CLEC12A: variants seen among roughly 807,000 people sequenced by gnomAD.
CLEC12A encodes C-type lectin protein CLL-1.
Under a neutral mutation model 26.5 loss-of-function variants are expected in CLEC12A, and 22 were observed. That is an observed-to-expected ratio of 0.83 (90% CI 0.59 to 1.19). The LOEUF (loss-of-function observed/expected upper bound fraction) is 1.19. CLEC12A is among the 50% of genes most tolerant of loss of function. The pLI is 0.00. For synonymous variants in CLEC12A, 119 were observed against 101.9 expected (o/e 1.17, Z -1.01); for missense variants, 353 against 315.6 (o/e 1.12, Z -0.90).
downstream of CLEC12A, among the ~76,000 whole-genome samples, chr12:9,986,423 C>CCG (rs1565565714): frequency 7.3e-6 from 1 of 137,268 alleles, no homozygotes; most frequent in Non-Finnish European, 1.6e-5. Context: ...ATCCCCCCCC[C>CCG]CCTTTTTTTC....
upstream of CLEC12A, among the ~76,000 whole-genome samples, chr12:9,967,871 C>T (rs2137124515): frequency 6.6e-6 from 1 of 152,280 alleles, no homozygotes; most frequent in East Asian, 1.9e-4. Flanking sequence ...TGGTCAGACA[C>T]CTCTGAAACA....
At chr12:9,988,110 A>G (rs1473097989), downstream of CLEC12A, among the ~76,000 whole-genome samples, 3 of 152,154 alleles carry the variant, frequency 2.0e-5, no homozygotes, top group East Asian at 5.8e-4. Flanking sequence ...ATGGAGTGAT[A>G]TGGTTTGGCT....
exon 5 of CLEC12A, chr12:9,995,197 C>G: frequency 6.2e-7 from 1 of 1,613,008 alleles, no homozygotes; most frequent in Non-Finnish European, 8.5e-7. Context: ...CGACTTCTGG[C>G]GAGATAATCC....
intron 3 of CLEC12A, 141 bp downstream of exon 3, chr12:9,979,665 G>A: frequency 1.6e-6 from 1 of 632,916 alleles, no homozygotes. Flanking sequence ...GGTTGATGGA[G>A]AATTCATTGA....
intron 4 of CLEC12A, chr12:9,992,044 G>A (rs1304558424): frequency 2.0e-5 from 3 of 152,080 alleles, no homozygotes; most frequent in South Asian, 2.1e-4. Flanking sequence ...CCGTTGAGAT[G>A]TTTGAGAATC....
At chr12:9,988,870 C>T (rs1175558681), downstream of CLEC12A, among the ~76,000 whole-genome samples, 1 of 152,130 alleles carries the variant, frequency 6.6e-6, no homozygotes, top group Non-Finnish European at 1.5e-5. Flanking sequence ...TGGGTATATA[C>T]CCAAAGGATT....
At chr12:9,979,155 A>G in intron 2 of CLEC12A, 91 bp downstream of exon 2, 2 of 1,147,532 alleles carry the variant, frequency 1.7e-6, no homozygotes, top group South Asian at 2.5e-5. Flanking sequence ...GAAGATTTAT[A>G]ATAATGATAG....
At chr12:9,983,940 A>G in intron 5 of CLEC12A, 1 of 194,090 alleles carries the variant, frequency 5.2e-6, no homozygotes, top group Admixed American at 5.9e-5. Flanking sequence ...TGTGTGTGTC[A>G]GGAGAGAGTA....
chr12:9,972,898 G>A lies in CLEC12A; in HGVS notation c.91+1211G>A, dbSNP rs147529241. Among the ~76,000 whole-genome samples the A allele has an allele frequency of 4.7e-3, 718 of 152,000 alleles. 7 individuals carry two copies. The highest frequency in any genetic ancestry group is 0.028 in the South Asian group (136 of 4,798). On this transcript the variant is annotated intron_variant, in intron 1 of 5. Coordinates refer to ENST00000304361, the MANE Select transcript of CLEC12A (RefSeq NM_138337.6). ...CTGAAAGAGAATGGGCATATCATGA[G>A]CCTAATATTACCAACAATTGCCCTT...
chr12:9,962,950 C>G (rs1863862978), intron 1 of CLEC12A, among the ~76,000 whole-genome samples: 1 of 152,084 alleles, frequency 6.6e-6, no homozygotes, highest in Non-Finnish European at 1.5e-5. Context: ...GGCGATATTT[C>G]TCAGGGCTGC....
intron 1 of CLEC12A, among the ~76,000 whole-genome samples, chr12:9,955,670 A>G (rs1435098629): frequency 1.3e-5 from 2 of 152,224 alleles, no homozygotes; most frequent in East Asian, 3.8e-4. Flanking sequence ...TAATTCCTTT[A>G]AATCTCAGTT....
the CLEC12A span, among the ~76,000 whole-genome samples, chr12:10,005,612 T>G: frequency 6.6e-6 from 1 of 152,204 alleles, no homozygotes; most frequent in African/African-American, 2.4e-5. Flanking sequence ...ACAAGGCAAG[T>G]AAGTGTTGCT....
At chr12:9,963,398 TAA>T (rs1236345693) in intron 1 of CLEC12A, among the ~76,000 whole-genome samples, 3 of 145,988 alleles carry the variant, frequency 2.1e-5, no homozygotes, top group Non-Finnish European at 4.6e-5. Flanking sequence ...CAACTGCAGC[TAA>T]AGAGTCAACT....
chr12:9,989,423 A>G (rs931800601), downstream of CLEC12A, among the ~76,000 whole-genome samples: 1 of 152,236 alleles, frequency 6.6e-6, no homozygotes, highest in Non-Finnish European at 1.5e-5. Flanking sequence ...TAAGAAAACA[A>G]GATAGCCTTA....
intron 1 of CLEC12A, among the ~76,000 whole-genome samples, chr12:9,964,929 C>G (rs914596971): frequency 6.6e-6 from 1 of 152,030 alleles, no homozygotes; most frequent in Non-Finnish European, 1.5e-5. Flanking sequence ...GGTGTGGTAT[C>G]CAGAATACTG....
At chr12:10,001,135 T>A in the CLEC12A span, among the ~76,000 whole-genome samples, 1 of 152,248 alleles carries the variant, frequency 6.6e-6, no homozygotes, top group African/African-American at 2.4e-5. Context: ...AAACATTTTT[T>A]GTTTATTAAC....
At chr12:9,957,575 C>T (rs1305349392) in intron 1 of CLEC12A, among the ~76,000 whole-genome samples, 1 of 151,908 alleles carries the variant, frequency 6.6e-6, no homozygotes, top group African/African-American at 2.4e-5. Flanking sequence ...TTTGATCAGA[C>T]TTTCACTAAA....
rs770326965 is a variant in CLEC12A, at chr12:9,979,102, T to C, written c.190+38T>C. On this transcript the variant is annotated intron_variant, in intron 2 of 5. Transcript: ENST00000304361. ...CCTGTTTTTGTCAAGAGGAAGTATC[T>C]AGAATTTCAAATATTTAGCAACAAA... 4.7e-6 allele frequency: 7 copies of C among 1,499,486 alleles called. No homozygotes were observed. In the East Asian group the frequency reaches 1.6e-4, roughly 34 times the overall value. 92.9% of individuals were successfully genotyped at this position (1,499,486 alleles called of 1,614,324 possible). A position where few individuals can be genotyped will look rare whatever the true frequency, so the allele number is the denominator to read the frequency against.
intron 1 of CLEC12A, among the ~76,000 whole-genome samples, chr12:9,965,430 T>G (rs1863914208): frequency 6.6e-6 from 1 of 151,418 alleles, no homozygotes; most frequent in Admixed American, 6.6e-5. Flanking sequence ...GGGGGCTGTC[T>G]GTGAAGCCTT....
Sources: gnomAD v4.1 joint callset for allele counts (sites outside exome capture counted in the v4.1 genomes callset) on GRCh38, gnomAD v4.1.1 for gene constraint, MANE v1.5 for transcripts, NCBI Gene and HGNC (gene_info 2026-07-23, HGNC 2026-07-21) for gene names.